The following HELZ variants were observed in gnomAD, a reference collection of about 807,000 sequenced individuals.
HELZ encodes helicase with zinc finger.
Under a neutral mutation model 218.2 loss-of-function variants are expected in HELZ, and 23 were observed. That is an observed-to-expected ratio of 0.11 (90% CI 0.08 to 0.15). The LOEUF is 0.15. Among genes scored for constraint, HELZ ranks in the 10% least tolerant of loss-of-function variants. HELZ has a pLI of 1.00. For missense variants in HELZ, 1,813 were observed against 2,353.7 expected, an observed-to-expected ratio of 0.77 and a Z score of 4.75; for synonymous variants, 814 against 829.4, an observed-to-expected ratio of 0.98 and a Z score of 0.32.
chr17:67,164,458 G>T (rs2039079827), intron 15 of HELZ, among the ~76,000 whole-genome samples: 1 of 152,118 alleles, frequency 6.6e-6, no homozygotes, highest in South Asian at 2.1e-4. Flanking sequence ...GCTGCAGGAA[G>T]GGGGAAATGA....
chr17:67,238,820 T>C (rs537305899), intron 3 of HELZ, among the ~76,000 whole-genome samples: 3 of 152,344 alleles, frequency 2.0e-5, no homozygotes, highest in African/African-American at 7.2e-5. Flanking sequence ...ACCAAGAAGA[T>C]TAATTACTGT....
chr17:67,127,643 T>C (rs2037841386), intron 24 of HELZ, among the ~76,000 whole-genome samples: 1 of 151,902 alleles, frequency 6.6e-6, no homozygotes, highest in Admixed American at 6.6e-5. Flanking sequence ...AGCCCCGGAG[T>C]TTGAGACCAG....
At chr17:67,208,985 AAG>A (rs2040378250) in intron 5 of HELZ, among the ~76,000 whole-genome samples, 1 of 142,750 alleles carries the variant, frequency 7.0e-6, no homozygotes, top group African/African-American at 2.6e-5. Context: ...AAGAGAAAAG[AAG>A]AGAGGCAGGA....
chr17:67,240,105 CCTGA>C (rs1454264269), intron 2 of HELZ, among the ~76,000 whole-genome samples: 1 of 152,188 alleles, frequency 6.6e-6, no homozygotes, highest in African/African-American at 2.4e-5. Context: ...ACTTTACCAA[CCTGA>C]CTAAAGAACT....
intron 31 of HELZ, among the ~76,000 whole-genome samples, chr17:67,096,384 G>A (rs150665670): frequency 4.5e-4 from 69 of 152,302 alleles, no homozygotes; most frequent in Admixed American, 6.5e-4. Context: ...CCTGTTCCTC[G>A]AAGCTTTGAA....
chr17:67,085,762 A>G (rs2036350599), intron 32 of HELZ, among the ~76,000 whole-genome samples: 1 of 152,218 alleles, frequency 6.6e-6, no homozygotes, highest in Admixed American at 6.5e-5. Flanking sequence ...TCTACAGCAT[A>G]CAAAGAGAAG....
intron 31 of HELZ, among the ~76,000 whole-genome samples, chr17:67,104,522 GAC>G (rs1304478487): frequency 6.6e-6 from 1 of 151,014 alleles, no homozygotes; most frequent in East Asian, 1.9e-4. Flanking sequence ...TCTTGGATAT[GAC>G]ACCAAAAGCA....
chr17:67,225,362 GC>G (rs2040861841), intron 3 of HELZ: 1 of 165,692 alleles, frequency 6.0e-6, no homozygotes, highest in South Asian at 1.6e-4. Flanking sequence ...AATCCAGGCA[GC>G]CCGACAACTC....
At chr17:67,089,093 A>G (rs2036479266) in intron 31 of HELZ, among the ~76,000 whole-genome samples, 1 of 152,190 alleles carries the variant, frequency 6.6e-6, no homozygotes, top group African/African-American at 2.4e-5. Flanking sequence ...TCAGGGGATT[A>G]CATTCTAAAG....
intron 5 of HELZ, among the ~76,000 whole-genome samples, chr17:67,205,347 G>A (rs1208636378): frequency 6.6e-6 from 1 of 151,684 alleles, no homozygotes; most frequent in Non-Finnish European, 1.5e-5. Flanking sequence ...AAATTGCTCT[G>A]AAGAAAAATG....
At chr17:67,216,782 G>A (rs548615149) in intron 4 of HELZ, among the ~76,000 whole-genome samples, 3 of 152,222 alleles carry the variant, frequency 2.0e-5, no homozygotes, top group African/African-American at 7.2e-5. Flanking sequence ...GGCTTTCTTG[G>A]CAGCTGCTGA....
At chr17:67,082,777 T>C (rs990807750) in intron 32 of HELZ, among the ~76,000 whole-genome samples, 1 of 152,156 alleles carries the variant, frequency 6.6e-6, no homozygotes, top group Middle Eastern at 3.4e-3. Context: ...GAACTTACTA[T>C]TTTTATTTAC....
intron 21 of HELZ, among the ~76,000 whole-genome samples, chr17:67,144,920 G>C (rs2038446852): frequency 2.0e-5 from 3 of 152,108 alleles, no homozygotes; most frequent in Admixed American, 6.6e-5. Context: ...TTTTGGCTAG[G>C]ATTTTATCAA....
chr17:67,216,003 AG>A, intron 4 of HELZ, 68 bp from the exon 5 acceptor site: 1 of 905,626 alleles, frequency 1.1e-6, no homozygotes, highest in Non-Finnish European at 1.8e-6. Flanking sequence ...ATGTTGTCAA[AG>A]GGAAACTTGG....
chr17:67,137,970 A>C lies in HELZ; in HGVS notation c.2914T>G (p.Leu972Val). ...ACCCTTTCTACATTAACATCAGATA[A>C]TCTCTTTTTTCGAAGTTCAGCACGT... ...RIRAELRKKR[L>V]SDVNVERVLN... Residue 972 changes from leucine (L) to valine (V), a missense_variant, in exon 22 of 33, where the codon TTA (leucine) becomes GTA (valine). Leu to Val is a conservative substitution (Grantham distance 32, BLOSUM62 1). This residue lies in a region of HELZ where 156 missense variants were observed against 274.4 expected (regional missense o/e 0.57). Transcript: ENST00000358691. The C allele has an allele frequency of 6.2e-7, 1 of 1,612,900 alleles. No individual in the cohort carries two copies. The highest frequency in any genetic ancestry group is 8.5e-7 in the Non-Finnish European group (1 of 1,179,294).
intron 3 of HELZ, among the ~76,000 whole-genome samples, chr17:67,236,174 C>A (rs1440954297): frequency 2.6e-5 from 4 of 152,050 alleles, no homozygotes; most frequent in Non-Finnish European, 5.9e-5. Context: ...AAACAGTTCA[C>A]CATAAAGAGG....
intron 20 of HELZ, among the ~76,000 whole-genome samples, chr17:67,146,600 T>C (rs890488970): frequency 6.6e-6 from 1 of 152,196 alleles, no homozygotes; most frequent in Non-Finnish European, 1.5e-5. Context: ...TGGAACAATG[T>C]ACACAACTGA....
intron 17 of HELZ, among the ~76,000 whole-genome samples, chr17:67,159,065 T>A (rs2038925611): frequency 2.0e-5 from 3 of 152,172 alleles, no homozygotes; most frequent in Non-Finnish European, 1.5e-5. Flanking sequence ...ACAACTTATA[T>A]CATTAAAGTA....
chr17:67,159,955 G>A (rs1380271572), intron 17 of HELZ, among the ~76,000 whole-genome samples: 1 of 151,530 alleles, frequency 6.6e-6, no homozygotes, highest in East Asian at 1.9e-4. Flanking sequence ...TTTAATTTAA[G>A]TTATCATATT....
Sources: allele counts gnomAD v4.1 joint callset (sites outside exome capture counted in the v4.1 genomes callset), GRCh38; gene constraint gnomAD v4.1.1; regional missense constraint gnomAD v4.1.1; transcripts MANE v1.5; gene names NCBI Gene and HGNC (gene_info 2026-07-23, HGNC 2026-07-21).